Variants in CSNK2A1 observed in about 807,000 individuals in gnomAD.
CSNK2A1 encodes casein kinase II subunit alpha.
In CSNK2A1, 10 loss-of-function variants were observed where a neutral mutation model predicts 62.9. The observed-to-expected ratio is 0.16, with a 90% CI of 0.10 to 0.27. CSNK2A1 has a LOEUF of 0.27. Ranked by LOEUF, CSNK2A1 falls within the 10% of genes least tolerant of loss-of-function variation. The pLI, the probability that CSNK2A1 is intolerant of heterozygous loss-of-function variation, is 1.00. For synonymous variants in CSNK2A1, 124 were observed against 167.8 expected, an observed-to-expected ratio of 0.74 and a Z score of 2.02; for missense variants, 160 against 492.0, an observed-to-expected ratio of 0.33 and a Z score of 6.38.
chr20:486,393 C>T lies in CSNK2A1; in HGVS notation c.1043G>A (p.Ser348Asn). 6.2e-7 allele frequency: 1 copy of T among 1,613,634 alleles called. No homozygotes were observed. The highest frequency in any genetic ancestry group is 8.5e-7 in the Non-Finnish European group (1 of 1,179,888). ...GAACTGACCTGACATCATATTGGCG[C>T]TGCTGACGGGCGTACTGCCCCCTGG... ...SMPGGSTPVSSANMMSGISSV... is the reference protein window; with the variant it reads ...SMPGGSTPVSNANMMSGISSV... The change falls in exon 13 of 14, where the codon AGC (serine) becomes AAC (asparagine). Residue 348 changes from serine (S) to asparagine (N), a missense_variant. By Grantham distance (46) the Ser-to-Asn change is conservative. Transcript: ENST00000217244.
Position 473,267 on chromosome 20 carries a change from G to C in CSNK2A1, c.*10694C>G, listed in dbSNP as rs74438516. On this transcript the variant is annotated 3_prime_UTR_variant, in exon 14 of 14. Transcript: ENST00000217244. ...TTTACTTCTAACTCAAGGCTTGTCA[G>C]CTTACCATTGGCAGGTGGGGGAGGA... 0.02 allele frequency: 3,042 copies of C among 152,654 alleles called. 50 individuals carry two copies. Among genetic ancestry groups the C allele is most frequent in the Non-Finnish European group, 0.029 (1,986 of 68,308 alleles). The allele number at this position is 152,654 out of a possible 1,614,324, so 9.5% of individuals were successfully genotyped here.
intron 2 of CSNK2A1, among the ~76,000 whole-genome samples, chr20:510,819 C>G (rs1242484698): frequency 1.3e-5 from 2 of 152,078 alleles, no homozygotes; most frequent in Non-Finnish European, 2.9e-5. Context: ...CAGGCTCAAT[C>G]AATCCTCCCA....
rs571204762 is a variant in CSNK2A1, at chr20:479,322, A to T, written c.*4639T>A. The T allele has an allele frequency of 6.6e-6, 1 of 152,326 alleles. No homozygotes were observed. The highest frequency in any genetic ancestry group is 2.4e-5 in the African/African-American group (1 of 41,564). The allele number at this position is 152,326 out of a possible 1,614,324, so 9.4% of individuals were successfully genotyped here. A position where few individuals can be genotyped will look rare whatever the true frequency, so the allele number is the denominator to read the frequency against. On this transcript the variant is annotated 3_prime_UTR_variant, in exon 14 of 14. Transcript: ENST00000217244. ...GTCATAGAATCTGAACAACCGCTCT[A>T]TGAAATCAGTACTTATACCCCAATT...
At chr20:507,789 C>G (rs68488) in intron 3 of CSNK2A1, 1 of 152,018 alleles carries the variant, frequency 6.6e-6, no homozygotes, top group African/African-American at 2.4e-5. Flanking sequence ...TCAAGTATCA[C>G]TTCTCACTGA....
In CSNK2A1 at chr20:474,496, T is replaced by C. The variant is rs939397346; in HGVS notation, c.*9465A>G. ...ATTTGGCAACGGGAATGGGAGGAAG[T>C]GGATGCATTCAAGATAAATATCCAT... On this transcript the variant is annotated 3_prime_UTR_variant, in exon 14 of 14. Coordinates refer to ENST00000217244, the MANE Select transcript of CSNK2A1 (RefSeq NM_177559.3). 4 of 152,214 alleles carry C rather than the reference T, an allele frequency of 2.6e-5. No homozygotes were observed. In the East Asian group the frequency reaches 5.8e-4, roughly 22 times the overall value. The allele number at this position is 152,214 out of a possible 1,614,324, so 9.4% of individuals were successfully genotyped here. A position where few individuals can be genotyped will look rare whatever the true frequency, so the allele number is the denominator to read the frequency against.
At chr20:538,222 C>G (rs1411054468) in intron 1 of CSNK2A1, among the ~76,000 whole-genome samples, 1 of 152,178 alleles carries the variant, frequency 6.6e-6, no homozygotes, top group Non-Finnish European at 1.5e-5. Context: ...ACTGGGATTA[C>G]AGGTGTGAGC....
chr20:512,174 C>A (rs1189752548), intron 2 of CSNK2A1, among the ~76,000 whole-genome samples: 2 of 151,824 alleles, frequency 1.3e-5, no homozygotes, highest in Non-Finnish European at 2.9e-5. Context: ...TAGACTGTGC[C>A]TGGCCTATTT....
chr20:478,607 G>A lies in CSNK2A1; in HGVS notation c.*5354C>T. ...AAGCTTCCATCTGGAGGTACCTGGGGAAGGGCTTCTCACATTGAGGCCAAT... is the reference window on the plus strand; with the variant it reads ...AAGCTTCCATCTGGAGGTACCTGGGAAAGGGCTTCTCACATTGAGGCCAAT... On this transcript the variant is annotated 3_prime_UTR_variant, in exon 14 of 14. Coordinates refer to ENST00000217244, the MANE Select transcript of CSNK2A1 (RefSeq NM_177559.3). 2.4e-6 allele frequency: 1 copy of A among 414,596 alleles called. No homozygotes were observed. Among genetic ancestry groups the A allele is most frequent in the South Asian group, 1.7e-5 (1 of 59,382 alleles). 25.7% of individuals were successfully genotyped at this position (414,596 alleles called of 1,614,324 possible).
chr20:499,378 C>A lies in CSNK2A1; in HGVS notation c.316-73G>T. The A allele has an allele frequency of 1.4e-6, 2 of 1,450,272 alleles. No individual in the cohort carries two copies. The highest frequency in any genetic ancestry group is 9.4e-7 in the Non-Finnish European group (1 of 1,058,804). 89.8% of individuals were successfully genotyped at this position (1,450,272 alleles called of 1,614,324 possible). ...ACAGCTTTAATGGGGACAATGTTTG[C>A]GGATGCTGCGTGGTGAAATTTGGCA... On this transcript the variant is annotated intron_variant, in intron 5 of 13. Coordinates refer to ENST00000217244, the MANE Select transcript of CSNK2A1 (RefSeq NM_177559.3). This position sits in a 1 kb window ranked among gnomAD's most constrained non-coding sequence, Gnocchi z 4.2.
chr20:515,339 TAAGGTTAA>T (rs2018805243), intron 2 of CSNK2A1, among the ~76,000 whole-genome samples: 1 of 152,204 alleles, frequency 6.6e-6, no homozygotes, highest in South Asian at 2.1e-4. Context: ...GTTTTGGACT[TAAGGTTAA>T]AATGGCTTTG....
In CSNK2A1 at chr20:483,781, A is replaced by C; in HGVS notation, c.*180T>G. Reference sequence around the variant, plus strand: ...AAAGTTCGAGTTAAAAAAAAAAAGAAAAAAGAAAATCAGCCTATTATAATT... The same window carrying C: ...AAAGTTCGAGTTAAAAAAAAAAAGACAAAAGAAAATCAGCCTATTATAATT... On this transcript the variant is annotated 3_prime_UTR_variant, in exon 14 of 14. Coordinates refer to ENST00000217244, the MANE Select transcript of CSNK2A1 (RefSeq NM_177559.3). The C allele has an allele frequency of 2.4e-6, 1 of 423,224 alleles. No homozygotes were observed. The highest frequency in any genetic ancestry group is 4.0e-6 in the Non-Finnish European group (1 of 249,658). The allele number at this position is 423,224 out of a possible 1,614,324, so 26.2% of individuals were successfully genotyped here. A position where few individuals can be genotyped will look rare whatever the true frequency, so the allele number is the denominator to read the frequency against.
chr20:485,109 A>ATAATAATAATAATATATATATAT (rs1366439608), intron 13 of CSNK2A1, among the ~76,000 whole-genome samples: 1 of 24,666 alleles, frequency 4.1e-5, no homozygotes, highest in African/African-American at 1.4e-4. Flanking sequence ...AAAAAAAAAA[A>ATAATAATAATAATATATATATAT]ATATATATAT....
chr20:510,173 C>CTTTTT (rs1291875716), intron 2 of CSNK2A1: 2 of 137,184 alleles, frequency 1.5e-5, no homozygotes, highest in Non-Finnish European at 3.2e-5. Context: ...TATACCTATT[C>CTTTTT]TTTTTTTTTT....
At chr20:485,882 CTA>C (rs1259474717) in intron 13 of CSNK2A1, among the ~76,000 whole-genome samples, 3 of 152,282 alleles carry the variant, frequency 2.0e-5, no homozygotes, top group Non-Finnish European at 2.9e-5. Context: ...ACTGGGTACT[CTA>C]TAAAAATTCA....
rs1213162591 is a variant in CSNK2A1, at chr20:476,219, ATT to A, written c.*7740_*7741del. On this transcript the variant is annotated 3_prime_UTR_variant, in exon 14 of 14. Transcript: ENST00000217244. ...CCCCTCCTCTGAGGCCTCATGGACC[ATT>A]CTCTCTTCTCCAAGACTTCAAGATT... The A allele has an allele frequency of 6.6e-6, 1 of 152,344 alleles. No individual in the cohort carries two copies. The highest frequency in any genetic ancestry group is 6.5e-5 in the Admixed American group (1 of 15,272). The allele number at this position is 152,344 out of a possible 1,614,324, so 9.4% of individuals were successfully genotyped here.
chr20:485,136 A>ATATATATATATATATATG, intron 13 of CSNK2A1, among the ~76,000 whole-genome samples: 1 of 103,884 alleles, frequency 9.6e-6, no homozygotes, highest in Non-Finnish European at 1.9e-5. Context: ...ATATATATAT[A>ATATATATATATATATATG]TGAGAACATT....
chr20:503,756 A>C, intron 4 of CSNK2A1: 1 of 398,428 alleles, frequency 2.5e-6, no homozygotes, highest in Non-Finnish European at 4.4e-6. Context: ...ACAACATTTG[A>C]AAAGCTATGC....
intron 1 of CSNK2A1, among the ~76,000 whole-genome samples, chr20:532,937 G>T (rs537134095): frequency 6.6e-6 from 1 of 152,134 alleles, no homozygotes; most frequent in African/African-American, 2.4e-5. Context: ...AAGAAAACAG[G>T]TTAACGGTAA....
At chr20:536,319 G>A (rs775735808) in intron 1 of CSNK2A1, among the ~76,000 whole-genome samples, 3 of 152,106 alleles carry the variant, frequency 2.0e-5, no homozygotes, top group Admixed American at 1.3e-4. Flanking sequence ...TCTTTTCTCC[G>A]AAAGGGAAGG....
Sources: gnomAD v4.1 joint callset for allele counts (sites outside exome capture counted in the v4.1 genomes callset) on GRCh38, gnomAD v4.1.1 for gene constraint, Gnocchi (gnomAD v3.1) non-coding constraint, MANE v1.5 for transcripts, NCBI Gene and HGNC (gene_info 2026-07-23, HGNC 2026-07-21) for gene names.